The following PIWIL1 variants were observed in gnomAD, a reference collection of about 807,000 sequenced individuals.
PIWIL1 encodes piwi like RNA-mediated gene silencing 1, also known as piwi-like protein 1.
In PIWIL1, 73 loss-of-function variants were observed where a neutral mutation model predicts 114.4. That is an observed-to-expected ratio of 0.64 (90% CI 0.53 to 0.78). The LOEUF (loss-of-function observed/expected upper bound fraction) is 0.78, where lower values mean the gene tolerates loss of function less well. Ranked by LOEUF, PIWIL1 falls within the 30% of genes least tolerant of loss-of-function variation. The pLI is 0.00. For synonymous variants in PIWIL1, 375 were observed against 369.0 expected, an observed-to-expected ratio of 1.02 and a Z score of -0.19; for missense variants, 723 against 1,063.1, an observed-to-expected ratio of 0.68 and a Z score of 4.45.
intron 14 of PIWIL1, among the ~76,000 whole-genome samples, chr12:130,360,022 T>C (rs76425237): frequency 0.055 from 8,404 of 152,278 alleles, 350 homozygotes; most frequent in South Asian, 0.19. Flanking sequence ...CAGCAGCACA[T>C]TGTGGGGTAT....
At chr12:130,409,613 G>A in the PIWIL1 span, among the ~76,000 whole-genome samples, 4 of 152,138 alleles carry the variant, frequency 2.6e-5, no homozygotes, top group African/African-American at 9.7e-5. Context: ...AAAGTGCTGG[G>A]ATTACAGGCG....
At chr12:130,413,207 C>T in the PIWIL1 span, among the ~76,000 whole-genome samples, 33,160 of 152,088 alleles carry the variant, frequency 0.22, 4,268 homozygotes, top group East Asian at 0.41. Context: ...GCAGGCATTC[C>T]GACCGTTCTC....
At chr12:130,392,367 C>T in the PIWIL1 span, among the ~76,000 whole-genome samples, 1 of 145,406 alleles carries the variant, frequency 6.9e-6, no homozygotes. Context: ...ACCCGGTCAC[C>T]GTCATCACAT....
chr12:130,420,855 C>T, the PIWIL1 span: 1 of 152,152 alleles, frequency 6.6e-6, no homozygotes, highest in African/African-American at 2.4e-5. The surrounding 1 kb of genome is among the most constrained non-coding windows in gnomAD (Gnocchi z 4.3). Context: ...TTTCAGTTCT[C>T]AGTCCTAGGA....
intron 14 of PIWIL1, among the ~76,000 whole-genome samples, chr12:130,358,595 C>T (rs1184784075): frequency 6.6e-6 from 1 of 152,156 alleles, no homozygotes; most frequent in East Asian, 1.9e-4. Context: ...GCTGCCGCCA[C>T]CAGTCAGCTC....
chr12:130,397,271 G>GT, the PIWIL1 span: 1,313 of 396,510 alleles, frequency 3.3e-3, 7 homozygotes, highest in African/African-American at 0.012. Context: ...AGAAGATTGG[G>GT]TTTTTTTAGG....
chr12:130,395,954 G>T, the PIWIL1 span, among the ~76,000 whole-genome samples: 2 of 151,168 alleles, frequency 1.3e-5, no homozygotes, highest in African/African-American at 4.9e-5. Flanking sequence ...GTTACTGGTA[G>T]TATGAGAGTG....
chr12:130,378,210 T>C, the PIWIL1 span, among the ~76,000 whole-genome samples: 2 of 152,164 alleles, frequency 1.3e-5, no homozygotes, highest in Admixed American at 6.5e-5. Flanking sequence ...GACCTGCCTC[T>C]GGAATCTCAC....
In PIWIL1 at chr12:130,362,776, C is replaced by T. The variant is rs778496528; in HGVS notation, c.1981C>T (p.Arg661Cys). 2.7e-5 allele frequency: 43 copies of T among 1,614,000 alleles called. No individual in the cohort carries two copies. Among genetic ancestry groups the T allele is most frequent in the Middle Eastern group, 1.7e-4 (1 of 6,060 alleles). The change falls in exon 17 of 21, where the codon CGC becomes TGC. Residue 661 changes from arginine (R) to cysteine (C), a missense_variant. Arg to Cys is a radical substitution (Grantham distance 180). This residue lies in a region of PIWIL1 where 298 missense variants were observed against 420.8 expected (regional missense o/e 0.71). Coordinates refer to ENST00000245255, the MANE Select transcript of PIWIL1 (RefSeq NM_004764.5). ...INEGMTRWFS[R>C]CIFQDRGQEL... ...TTTTTCTCTGAATAGCTGGTTCTCA[C>T]GCTGCATATTTCAGGATAGAGGACA...
intron 14 of PIWIL1, among the ~76,000 whole-genome samples, chr12:130,359,575 T>C (rs1232970759): frequency 6.6e-6 from 1 of 152,210 alleles, no homozygotes; most frequent in East Asian, 1.9e-4. Context: ...ATCTATTTTA[T>C]TGGGGCCCTG....
the PIWIL1 span, among the ~76,000 whole-genome samples, chr12:130,408,538 TAAG>T: frequency 1.3e-5 from 2 of 152,066 alleles, no homozygotes; most frequent in Non-Finnish European, 2.9e-5. Context: ...CTCAGAAGCA[TAAG>T]AAGGGGCTGC....
At chr12:130,396,120 AGAATAAACAGTGTT>A in the PIWIL1 span, 5 of 152,670 alleles carry the variant, frequency 3.3e-5, no homozygotes, top group Non-Finnish European at 5.9e-5. Context: ...TAAAACAAAG[AGAATAAACAGTGTT>A]GTATAAAATA....
chr12:130,376,732 T>A (rs77390536), downstream of PIWIL1, among the ~76,000 whole-genome samples: 1 of 152,206 alleles, frequency 6.6e-6, no homozygotes, highest in African/African-American at 2.4e-5. Context: ...AGCCTAGCCT[T>A]CCTAACCCAT....
At chr12:130,411,821 C>CA in the PIWIL1 span, among the ~76,000 whole-genome samples, 2 of 148,878 alleles carry the variant, frequency 1.3e-5, no homozygotes, top group Non-Finnish European at 3.0e-5. Context: ...TTATTAATGC[C>CA]AAAAAAGGTT....
the PIWIL1 span, among the ~76,000 whole-genome samples, chr12:130,393,747 G>T: frequency 6.6e-6 from 1 of 152,042 alleles, no homozygotes; most frequent in South Asian, 2.1e-4. Context: ...TTTTCAGTTG[G>T]ATTCCTAGAA....
chr12:130,339,798 G>C (rs569980695), intron 1 of PIWIL1: 1 of 152,202 alleles, frequency 6.6e-6, no homozygotes, highest in Admixed American at 6.5e-5. Context: ...TCTAACTCGG[G>C]AGGGCTGAGA....
At chr12:130,342,871 A>G (rs2072963256) in intron 2 of PIWIL1, 119 bp from the exon 3 acceptor site, 2 of 761,582 alleles carry the variant, frequency 2.6e-6, no homozygotes, top group African/African-American at 1.8e-5. Flanking sequence ...TAAGAATAAA[A>G]TATTTGATTA....
chr12:130,399,553 G>GA, the PIWIL1 span: 29 of 1,119,834 alleles, frequency 2.6e-5, no homozygotes, highest in South Asian at 5.2e-5. Flanking sequence ...TCAGGGCAGA[G>GA]AAAAAAAATT....
intron 2 of PIWIL1, 56 bp from the exon 3 acceptor site, chr12:130,342,934 C>A: frequency 1.6e-6 from 2 of 1,261,750 alleles, no homozygotes; most frequent in Non-Finnish European, 2.3e-6. Context: ...TAGAAATTTT[C>A]TCTGGTGTCT....
Sources: allele counts gnomAD v4.1 joint callset (sites outside exome capture counted in the v4.1 genomes callset), GRCh38; gene constraint gnomAD v4.1.1; regional missense constraint gnomAD v4.1.1; non-coding constraint Gnocchi (gnomAD v3.1); transcripts MANE v1.5; gene names NCBI Gene and HGNC (gene_info 2026-07-23, HGNC 2026-07-21).